Variants in LANCL3 observed in about 807,000 individuals in gnomAD.
LANCL3 encodes the protein lanC-like protein 3.
In LANCL3, 19 loss-of-function variants were observed where a neutral mutation model predicts 26.5. The observed-to-expected ratio is 0.72, with a 90% CI of 0.50 to 1.05. The LOEUF (loss-of-function observed/expected upper bound fraction) is 1.05, where lower values mean the gene tolerates loss of function less well. LANCL3 is among the 50% of genes least tolerant of loss of function. The pLI is 0.00. For synonymous variants in LANCL3, 160 were observed against 166.6 expected (o/e 0.96, Z 0.30); for missense variants, 318 against 362.7 (o/e 0.88, Z 1.00).
intron 1 of LANCL3, among the ~76,000 whole-genome samples, chrX:37,625,617 A>T (rs1925292063): frequency 9.0e-6 from 1 of 111,327 alleles, no homozygotes; most frequent in East Asian, 2.8e-4. Flanking sequence ...ACAATGTCAG[A>T]TACTTCTCCA....
chrX:37,670,262 A>G (rs1183568430), intron 4 of LANCL3, among the ~76,000 whole-genome samples: 2 of 111,772 alleles, frequency 1.8e-5, no homozygotes, highest in Non-Finnish European at 3.8e-5. Context: ...TTGTCAATGT[A>G]TGCTGTAAAT....
At chrX:37,575,871 G>C (rs1331612537) in intron 1 of LANCL3, among the ~76,000 whole-genome samples, 1 of 112,377 alleles carries the variant, frequency 8.9e-6, no homozygotes, top group East Asian at 2.8e-4. Context: ...TTAGAATGCT[G>C]ATTACTATAT....
chrX:37,610,568 C>T (rs1556421038), intron 1 of LANCL3, among the ~76,000 whole-genome samples: 1 of 111,510 alleles, frequency 9.0e-6, no homozygotes, highest in Non-Finnish European at 1.9e-5. Context: ...CCCTCTGTGC[C>T]CGTAGATAGA....
chrX:37,605,677 G>T (rs1556420464), intron 1 of LANCL3, among the ~76,000 whole-genome samples: 1 of 111,249 alleles, frequency 9.0e-6, no homozygotes. Context: ...TAGGGCCTTT[G>T]CATGAGCTGT....
chrX:37,635,427 A>T (rs1372163583), intron 1 of LANCL3, among the ~76,000 whole-genome samples: 1 of 111,882 alleles, frequency 8.9e-6, no homozygotes, highest in Non-Finnish European at 1.9e-5. Flanking sequence ...CAAATATCTA[A>T]ACATTTCCCC....
intron 1 of LANCL3, among the ~76,000 whole-genome samples, chrX:37,628,616 G>C (rs1245622691): frequency 1.6e-5 from 1 of 61,341 alleles, no homozygotes. Flanking sequence ...CCCCACAACA[G>C]TCCCCAGAGT....
At chrX:37,585,725 A>G (rs1422133917) in intron 1 of LANCL3, among the ~76,000 whole-genome samples, 2 of 111,734 alleles carry the variant, frequency 1.8e-5, no homozygotes, top group Non-Finnish European at 3.8e-5. Context: ...AATACAGCAC[A>G]GTGATGGGTC....
chrX:37,647,777 A>ATT (rs1926025955), intron 1 of LANCL3, among the ~76,000 whole-genome samples: 1 of 112,262 alleles, frequency 8.9e-6, no homozygotes, highest in Non-Finnish European at 1.9e-5. Context: ...CAGACTTAGA[A>ATT]CTGTACTTCT....
intron 1 of LANCL3, among the ~76,000 whole-genome samples, chrX:37,636,035 C>G (rs1310181040): frequency 1.8e-5 from 2 of 108,549 alleles, no homozygotes; most frequent in African/African-American, 6.7e-5. Context: ...GTTTAGCTCC[C>G]ACTTATAAGT....
In LANCL3 at chrX:37,635,365, AAATT is replaced by A. The variant is rs781830137; in HGVS notation, c.574-20320_574-20317del. ...TAGAATATGAGATGAAGTAAGGACA[AAATT>A]AACAAATAATGATAAATATGCTGTA... is the stretch of plus-strand genomic sequence containing the variant. On this transcript the variant is annotated intron_variant, in intron 1 of 4. Coordinates refer to ENST00000378619, the MANE Select transcript of LANCL3 (RefSeq NM_001170331.2). Among the ~76,000 whole-genome samples the A allele has an allele frequency of 1.2e-4, 13 of 112,341 alleles. No homozygotes were observed. The East Asian group carries it at 3.3e-3, about 29-fold the overall frequency.
chrX:37,571,898 C>T lies in LANCL3; in HGVS notation c.28C>T (p.Arg10Cys), dbSNP rs1214050406. Residue 10 changes from arginine (R) to cysteine (C), a missense_variant, in exon 1 of 5, where the codon CGC becomes TGC. Coordinates refer to ENST00000378619, the MANE Select transcript of LANCL3 (RefSeq NM_001170331.2). Reference sequence around the variant, plus strand: ...GGACACCAAGCGCTGCTTCGCCAATCGCTTCGATGACTACCAGGGCAGCCT... The same window carrying T: ...GGACACCAAGCGCTGCTTCGCCAATTGCTTCGATGACTACCAGGGCAGCCT... MDTKRCFAN[R>C]FDDYQGSLLA... 3 of 1,206,748 alleles carry T rather than the reference C, an allele frequency of 2.5e-6. No individual in the cohort carries two copies. Among genetic ancestry groups the T allele is most frequent in the African/African-American group, 3.5e-5 (2 of 57,807 alleles).
At chrX:37,627,801 C>T (rs184622027) in intron 1 of LANCL3, among the ~76,000 whole-genome samples, 7 of 111,945 alleles carry the variant, frequency 6.3e-5, no homozygotes, top group African/African-American at 2.3e-4. Context: ...AGCTTTATAA[C>T]AGTGGGCAGT....
At chrX:37,670,223 G>T (rs1926648095) in intron 4 of LANCL3, among the ~76,000 whole-genome samples, 1 of 111,553 alleles carries the variant, frequency 9.0e-6, no homozygotes, top group African/African-American at 3.3e-5. Context: ...TTTTCCTGTT[G>T]TGATGCTTCT....
chrX:37,642,399 G>A (rs1264783663), intron 1 of LANCL3, among the ~76,000 whole-genome samples: 1 of 111,567 alleles, frequency 9.0e-6, no homozygotes, highest in African/African-American at 3.3e-5. Flanking sequence ...GATATAGGTG[G>A]TCCTGGTTGT....
intron 1 of LANCL3, among the ~76,000 whole-genome samples, chrX:37,572,847 C>G (rs1487991712): frequency 8.9e-6 from 1 of 111,977 alleles, no homozygotes; most frequent in Non-Finnish European, 1.9e-5. Context: ...AGTAATGGAA[C>G]TTTTCGGGGC....
intron 1 of LANCL3, among the ~76,000 whole-genome samples, chrX:37,576,349 C>A (rs782395183): frequency 1.8e-5 from 2 of 111,529 alleles, no homozygotes; most frequent in African/African-American, 6.5e-5. Context: ...AGCAATGGGG[C>A]ATTGAAGTCT....
intron 1 of LANCL3, among the ~76,000 whole-genome samples, chrX:37,620,806 G>A (rs1226307917): frequency 1.8e-5 from 2 of 111,956 alleles, no homozygotes; most frequent in Non-Finnish European, 3.8e-5. Context: ...GATAACAGCT[G>A]TTTGGAACAT....
At chrX:37,598,720 C>T (rs1266948053) in intron 1 of LANCL3, among the ~76,000 whole-genome samples, 27 of 112,481 alleles carry the variant, frequency 2.4e-4, no homozygotes, top group African/African-American at 8.7e-4. Flanking sequence ...TACAGTCGGA[C>T]TTCTACAGTC....
chrX:37,573,662 T>G (rs1294863185), intron 1 of LANCL3, among the ~76,000 whole-genome samples: 5 of 112,334 alleles, frequency 4.5e-5, no homozygotes, highest in Non-Finnish European at 9.4e-5. Context: ...TAGAAAACCT[T>G]TTAGAAGGCC....
Sources: allele counts gnomAD v4.1 joint callset (sites outside exome capture counted in the v4.1 genomes callset), GRCh38; gene constraint gnomAD v4.1.1; transcripts MANE v1.5; gene names NCBI Gene and HGNC (gene_info 2026-07-23, HGNC 2026-07-21).